The following MMAA variants were observed in gnomAD, a reference collection of about 807,000 sequenced individuals.
MMAA encodes metabolism of cobalamin associated A.
In MMAA, 41 loss-of-function variants were observed where a neutral mutation model predicts 45.0. That is an observed-to-expected ratio of 0.91 (90% CI 0.71 to 1.18). MMAA has a LOEUF of 1.18. MMAA is among the 50% of genes most tolerant of loss of function. The pLI is 0.00. For missense variants in MMAA, 460 were observed against 495.7 expected, an observed-to-expected ratio of 0.93 and a Z score of 0.68; for synonymous variants, 154 against 178.2, an observed-to-expected ratio of 0.86 and a Z score of 1.08.
chr4:145,638,954 C>T (rs1035388715), intron 1 of MMAA, 121 bp from the exon 2 acceptor site: 14 of 614,808 alleles, frequency 2.3e-5, no homozygotes, highest in African/African-American at 2.2e-4. Flanking sequence ...CCCATTTGTA[C>T]TACCAAAAAC....
intron 1 of MMAA, among the ~76,000 whole-genome samples, chr4:145,633,813 A>G (rs1727529759): frequency 6.6e-6 from 1 of 152,252 alleles, no homozygotes; most frequent in South Asian, 2.1e-4. Context: ...CCCCAAGCCC[A>G]GTAACACTGT....
At chr4:145,644,770 TCTC>T (rs1329829774) in intron 3 of MMAA, among the ~76,000 whole-genome samples, 1 of 152,228 alleles carries the variant, frequency 6.6e-6, no homozygotes, top group African/African-American at 2.4e-5. Flanking sequence ...AAGCATGGTT[TCTC>T]AAGTTTGGCG....
chr4:145,625,410 G>C, intron 1 of MMAA: 1 of 704,018 alleles, frequency 1.4e-6, no homozygotes, highest in South Asian at 1.4e-5. Context: ...CCACTGGCAG[G>C]TTTGCTTCCA....
rs191643294 is a variant in MMAA at position 145,655,334 on chromosome 4, G to C, written c.1157G>C (p.Arg386Pro). ...CATTTCAGGACCCACCCCACAGTCC[G>C]GGAACAGATTCCACTTCTGGAACAA... is the stretch of plus-strand genomic sequence containing the variant. ...LEHFRTHPTV[R>P]EQIPLLEQKV... Residue 386 changes from arginine (R) to proline (P), a missense_variant, in exon 7 of 7, where the codon CGG becomes CCG. Physicochemically the swap from Arg to Pro is moderately radical, Grantham distance 103. Coordinates refer to ENST00000649156, the MANE Select transcript of MMAA (RefSeq NM_172250.3). The C allele has an allele frequency of 6.2e-7, 1 of 1,614,154 alleles. No individual in the cohort carries two copies. The highest frequency in any genetic ancestry group is 1.3e-5 in the African/African-American group (1 of 75,036).
intron 1 of MMAA, among the ~76,000 whole-genome samples, chr4:145,638,621 G>A (rs1727691198): frequency 6.6e-6 from 1 of 152,130 alleles, no homozygotes; most frequent in Admixed American, 6.5e-5. Flanking sequence ...CACCTGAAGT[G>A]CCCACCGTAG....
intron 1 of MMAA, among the ~76,000 whole-genome samples, chr4:145,629,714 G>A (rs1315587512): frequency 3.3e-5 from 5 of 152,200 alleles, no homozygotes; most frequent in Admixed American, 2.0e-4. Context: ...CATGGCGGAA[G>A]GCAAGAAGGA....
chr4:145,628,853 A>G lies in MMAA; in HGVS notation c.-66+9446A>G, dbSNP rs1327390645. ...ATACCACTCCTCTGTAGATGAAGTT[A>G]TATACACATCAATATATATATAGTT... On this transcript the variant is annotated intron_variant, in intron 1 of 6. Transcript: ENST00000649156. Among the ~76,000 whole-genome samples, 5 of 152,328 alleles carry G rather than the reference A, an allele frequency of 3.3e-5. No homozygotes were observed. In the East Asian group the frequency reaches 7.7e-4, roughly 23 times the overall value.
At position 145,639,265 on chromosome 4, in the gene MMAA, G is replaced by A. The variant is rs1727708827; in HGVS notation, c.126G>A (p.Gln42=). The A allele has an allele frequency of 6.2e-7, 1 of 1,614,028 alleles. No homozygotes were observed. Among genetic ancestry groups the A allele is most frequent in the East Asian group, 2.2e-5 (1 of 44,892 alleles). The part of the protein sequence containing the change: ...THLGSGIPCA[Q]PFNSLGLHCT... ...TCGGATCAGGAATCCCATGTGCTCA[G>A]CCGTTTAATTCTCTTGGACTCCATT... The change falls in exon 2 of 7, where the codon CAG becomes CAA. Residue 42 remains glutamine, a synonymous_variant. Transcript: ENST00000649156.
chr4:145,642,088 T>C (rs1322761303), intron 2 of MMAA, among the ~76,000 whole-genome samples: 1 of 152,212 alleles, frequency 6.6e-6, no homozygotes, highest in Non-Finnish European at 1.5e-5. Context: ...CAGAAAGATC[T>C]ACTTTATAGT....
At position 145,641,609 on chromosome 4, in the gene MMAA, A is replaced by G. The variant is rs911293576; in HGVS notation, c.440-754A>G. ...CTAAACATATTGCAGACATTAACTCATCTAATTCTTAAAACAACCTGAAGA... is the reference window on the plus strand; with the variant it reads ...CTAAACATATTGCAGACATTAACTCGTCTAATTCTTAAAACAACCTGAAGA... On this transcript the variant is annotated intron_variant, in intron 2 of 6. Coordinates refer to ENST00000649156, the MANE Select transcript of MMAA (RefSeq NM_172250.3). 2.1e-4 allele frequency among the ~76,000 whole-genome samples: 32 copies of G among 152,210 alleles called. 1 individual carries two copies. The highest frequency in any genetic ancestry group is 1.0e-3 in the South Asian group (5 of 4,826).
chr4:145,633,040 C>T (rs573222194), intron 1 of MMAA, among the ~76,000 whole-genome samples: 1 of 151,198 alleles, frequency 6.6e-6, no homozygotes, highest in Non-Finnish European at 1.5e-5. Context: ...GGCCATCATG[C>T]CTGGCCCAAG....
chr4:145,638,346 G>C (rs1727678683), intron 1 of MMAA, among the ~76,000 whole-genome samples: 1 of 151,660 alleles, frequency 6.6e-6, no homozygotes, highest in African/African-American at 2.4e-5. Flanking sequence ...TCCAGCATGA[G>C]CGAGAGAGTG....
chr4:145,635,032 T>G (rs886847867), intron 1 of MMAA, among the ~76,000 whole-genome samples: 3 of 151,976 alleles, frequency 2.0e-5, no homozygotes, highest in Admixed American at 6.6e-5. Flanking sequence ...GAAGGAGTGA[T>G]GCCAACACTC....
chr4:145,652,794 C>G (rs1035667745), intron 5 of MMAA, among the ~76,000 whole-genome samples: 4 of 152,092 alleles, frequency 2.6e-5, no homozygotes, highest in African/African-American at 9.7e-5. Flanking sequence ...ATAACAGACA[C>G]TCCTGTTACT....
chr4:145,624,980 C>T (rs1734171040), intron 1 of MMAA: 5 of 1,034,848 alleles, frequency 4.8e-6, no homozygotes, highest in Non-Finnish European at 7.6e-6. Flanking sequence ...ACAGTTGGTA[C>T]AGGAGTCAGT....
intron 2 of MMAA, among the ~76,000 whole-genome samples, chr4:145,640,428 C>G (rs1191990891): frequency 1.3e-5 from 2 of 152,088 alleles, no homozygotes; most frequent in African/African-American, 4.8e-5. Flanking sequence ...TAGTCTCACT[C>G]TATCACCCAG....
intron 1 of MMAA, among the ~76,000 whole-genome samples, chr4:145,620,400 G>A (rs540546804): frequency 6.6e-6 from 1 of 152,190 alleles, no homozygotes; most frequent in Non-Finnish European, 1.5e-5. Context: ...GTGAATGCTC[G>A]AAACATTTAC....
At chr4:145,639,747 A>G (rs1727730689) in intron 2 of MMAA, 169 bp downstream of exon 2, 9 of 984,906 alleles carry the variant, frequency 9.1e-6, no homozygotes, top group Non-Finnish European at 1.1e-5. Flanking sequence ...TTAAGTTGAA[A>G]AAATTGCCAT....
chr4:145,629,224 G>A (rs1020799727), intron 1 of MMAA, among the ~76,000 whole-genome samples: 1 of 152,162 alleles, frequency 6.6e-6, no homozygotes, highest in Admixed American at 6.5e-5. Flanking sequence ...TCTGCCTCCT[G>A]CGTTCACGCC....
Sources: gnomAD v4.1 joint callset for allele counts (sites outside exome capture counted in the v4.1 genomes callset) on GRCh38, gnomAD v4.1.1 for gene constraint, MANE v1.5 for transcripts, NCBI Gene and HGNC (gene_info 2026-07-23, HGNC 2026-07-21) for gene names.